The following AQP7B variants were observed in gnomAD, a reference collection of about 807,000 sequenced individuals.
AQP7B encodes the protein putative aquaporin-7B.
the AQP7B span, chr2:94,604,496 TC>T: frequency 6.2e-7 from 1 of 1,610,820 alleles, no homozygotes. Context: ...CACCCTCATC[TC>T]CGTGAGCCTT....
chr2:94,591,952 C>T, the AQP7B span, among the ~76,000 whole-genome samples: 2 of 152,086 alleles, frequency 1.3e-5, no homozygotes, highest in Non-Finnish European at 2.9e-5. Flanking sequence ...GCTTTTCTTC[C>T]CACGGGCTGG....
chr2:94,596,691 G>A, the AQP7B span, among the ~76,000 whole-genome samples: 1 of 152,134 alleles, frequency 6.6e-6, no homozygotes, highest in Non-Finnish European at 1.5e-5. Flanking sequence ...TATCTTAACT[G>A]TTCACAAATT....
the AQP7B span, among the ~76,000 whole-genome samples, chr2:94,601,939 C>T: frequency 2.0e-5 from 3 of 151,984 alleles, no homozygotes; most frequent in South Asian, 2.1e-4. Context: ...TTGGGAATGC[C>T]GCCTGAGGTC....
the AQP7B span, among the ~76,000 whole-genome samples, chr2:94,595,091 G>A: frequency 3.3e-5 from 5 of 152,154 alleles, no homozygotes; most frequent in Non-Finnish European, 7.3e-5. Flanking sequence ...CCATGCACTG[G>A]GGTATCCGGG....
the AQP7B span, chr2:94,594,874 G>A: frequency 1.3e-6 from 2 of 1,517,228 alleles, no homozygotes; most frequent in South Asian, 2.3e-5. Context: ...TGTCATGATG[G>A]TGAGTGGGTG....
At chr2:94,588,375 C>A in the AQP7B span, 1 of 623,956 alleles carries the variant, frequency 1.6e-6, no homozygotes. Flanking sequence ...CTTGGCTGGG[C>A]TAAGGGAGTG....
At chr2:94,590,791 A>T in the AQP7B span, among the ~76,000 whole-genome samples, 1 of 151,742 alleles carries the variant, frequency 6.6e-6, no homozygotes, top group East Asian at 2.0e-4. Context: ...AAAAATAAGA[A>T]AAAATAGCCG....
the AQP7B span, among the ~76,000 whole-genome samples, chr2:94,601,618 C>T: frequency 6.6e-6 from 1 of 152,052 alleles, no homozygotes; most frequent in Non-Finnish European, 1.5e-5. Context: ...AAGCAGCTGG[C>T]CAGTGTGTTC....
the AQP7B span, chr2:94,603,065 C>T: frequency 1.9e-6 from 3 of 1,596,692 alleles, no homozygotes; most frequent in African/African-American, 4.0e-5. Flanking sequence ...CTGTGACCTT[C>T]ACTAACTGTG....
chr2:94,602,726 G>A, the AQP7B span: 1,175 of 1,166,810 alleles, frequency 1.0e-3, 10 homozygotes, highest in African/African-American at 0.015. Context: ...CCTCAGCCTG[G>A]CCACCGGGCA....
the AQP7B span, chr2:94,588,662 C>A: frequency 1.3e-6 from 1 of 795,214 alleles, no homozygotes. Context: ...CCCCCCTTGA[C>A]CTCCTCCTCC....
chr2:94,599,886 T>C, the AQP7B span, among the ~76,000 whole-genome samples: 2 of 149,920 alleles, frequency 1.3e-5, no homozygotes, highest in Non-Finnish European at 2.9e-5. Flanking sequence ...TCTTTTTTTT[T>C]TCTTTTTTTT....
chr2:94,589,310 C>G, the AQP7B span, among the ~76,000 whole-genome samples: 2 of 152,020 alleles, frequency 1.3e-5, no homozygotes, highest in Admixed American at 6.6e-5. Flanking sequence ...CACCTGGCCT[C>G]ACACTGACTT....
chr2:94,597,806 T>A, the AQP7B span, among the ~76,000 whole-genome samples: 1 of 152,088 alleles, frequency 6.6e-6, no homozygotes, highest in East Asian at 1.9e-4. Flanking sequence ...GGTTTCACCA[T>A]GTTGTCAAGG....
the AQP7B span, among the ~76,000 whole-genome samples, chr2:94,597,973 G>A: frequency 6.6e-6 from 1 of 152,140 alleles, no homozygotes; most frequent in African/African-American, 2.4e-5. Flanking sequence ...AGCTTTTAAA[G>A]ACTGGCTTGT....
At chr2:94,604,419 C>A in the AQP7B span, 11 of 1,611,460 alleles carry the variant, frequency 6.8e-6, no homozygotes, top group South Asian at 8.8e-5. Flanking sequence ...GACTCTGTGG[C>A]GTATGAAGAC....
At chr2:94,598,446 C>T in the AQP7B span, among the ~76,000 whole-genome samples, 4 of 152,100 alleles carry the variant, frequency 2.6e-5, no homozygotes, top group Non-Finnish European at 4.4e-5. Flanking sequence ...TGGAGCCATC[C>T]GGGCCCTGGA....
the AQP7B span, among the ~76,000 whole-genome samples, chr2:94,595,441 GA>G: frequency 1.6e-4 from 24 of 149,024 alleles, no homozygotes; most frequent in Admixed American, 9.3e-4. Flanking sequence ...GTCTCAAAAA[GA>G]AAAAAAAGAA....
the AQP7B span, among the ~76,000 whole-genome samples, chr2:94,596,045 A>G: frequency 6.6e-6 from 1 of 152,200 alleles, no homozygotes; most frequent in Non-Finnish European, 1.5e-5. Flanking sequence ...ACGGTCAGAG[A>G]GGTGTGAGGA....
Sources: allele counts gnomAD v4.1 joint callset (sites outside exome capture counted in the v4.1 genomes callset), GRCh38; gene constraint gnomAD v4.1.1; transcripts MANE v1.5; gene names NCBI Gene and HGNC (gene_info 2026-07-23, HGNC 2026-07-21).